The following CHCHD6 variants were observed in gnomAD, a reference collection of about 807,000 sequenced individuals.
CHCHD6 encodes MICOS complex subunit MIC25.
CHCHD6 carries 28 observed loss-of-function variants against 32.3 expected under a neutral mutation model. That is an observed-to-expected ratio of 0.87 (90% CI 0.64 to 1.19). The LOEUF (loss-of-function observed/expected upper bound fraction) is 1.19. Among genes scored for constraint, CHCHD6 ranks in the 50% most tolerant of loss-of-function variants. The pLI is 0.00. For synonymous variants in CHCHD6, 122 were observed against 117.5 expected (o/e 1.04, Z -0.25); for missense variants, 333 against 307.0 (o/e 1.08, Z -0.63).
chr3:126,821,592 C>A (rs1343564557), intron 4 of CHCHD6, among the ~76,000 whole-genome samples: 1 of 152,188 alleles, frequency 6.6e-6, no homozygotes, highest in Non-Finnish European at 1.5e-5. Context: ...GCACACCTGG[C>A]CTATGATAAC....
chr3:126,729,722 C>T lies in CHCHD6; in HGVS notation c.197-839C>T, dbSNP rs570744648. ...GAAGTGCCCCCCGAAGGATCCCTGA[C>T]GGGTCTGGGGTGGAGTCGCACACCC... On this transcript the variant is annotated intron_variant, in intron 2 of 7. Transcript: ENST00000290913. Among the ~76,000 whole-genome samples, 5 of 152,246 alleles carry T rather than the reference C, an allele frequency of 3.3e-5. No homozygotes were observed. The South Asian group carries it at 6.2e-4, about 19-fold the overall frequency.
At chr3:126,908,307 C>T (rs771747595) in intron 5 of CHCHD6, among the ~76,000 whole-genome samples, 7 of 152,236 alleles carry the variant, frequency 4.6e-5, no homozygotes, top group Non-Finnish European at 8.8e-5. Flanking sequence ...TGGCCCCACC[C>T]TCAGACTCCT....
intron 4 of CHCHD6, among the ~76,000 whole-genome samples, chr3:126,746,241 G>T (rs528600602): frequency 7.6e-4 from 116 of 152,340 alleles, no homozygotes; most frequent in Admixed American, 1.9e-3. Flanking sequence ...TGCCCACAGG[G>T]AAGGGAGCAC....
At chr3:126,874,415 G>A (rs942649429) in intron 5 of CHCHD6, among the ~76,000 whole-genome samples, 4 of 152,188 alleles carry the variant, frequency 2.6e-5, no homozygotes, top group Non-Finnish European at 2.9e-5. Context: ...TCTGGGCAGG[G>A]AGAGGGCACA....
At chr3:126,792,033 A>G (rs559927751) in intron 4 of CHCHD6, among the ~76,000 whole-genome samples, 10 of 152,248 alleles carry the variant, frequency 6.6e-5, no homozygotes, top group Middle Eastern at 3.4e-3. Flanking sequence ...TCCATGTTAT[A>G]ACACATACAG....
intron 6 of CHCHD6, among the ~76,000 whole-genome samples, chr3:126,955,743 C>A (rs2078774867): frequency 6.6e-6 from 1 of 152,166 alleles, no homozygotes; most frequent in Non-Finnish European, 1.5e-5. Context: ...TGGTGTTAGG[C>A]ATGGGTATGT....
rs1559945241 is a variant in CHCHD6 at position 126,960,417 on chromosome 3, A to G, written c.*216A>G. ...GTTTTCAGTCGTTGACTCACTGGCA[A>G]ACAGTCACTGCTGCCTACTCTGCGT... On this transcript the variant is annotated 3_prime_UTR_variant, in exon 8 of 8. Coordinates refer to ENST00000290913, the MANE Select transcript of CHCHD6 (RefSeq NM_032343.3). 5.1e-6 allele frequency: 3 copies of G among 589,944 alleles called. No individual in the cohort carries two copies. In the African/African-American group the frequency reaches 5.6e-5, roughly 11 times the overall value. The allele number at this position is 589,944 out of a possible 1,614,324, so 36.5% of individuals were successfully genotyped here.
At chr3:126,790,842 C>A (rs1379658587) in intron 4 of CHCHD6, among the ~76,000 whole-genome samples, 3 of 152,220 alleles carry the variant, frequency 2.0e-5, no homozygotes, top group Non-Finnish European at 2.9e-5. Flanking sequence ...CATTCTCCAT[C>A]CAGCTTTGTT....
intron 1 of CHCHD6, among the ~76,000 whole-genome samples, chr3:126,706,338 A>G (rs1049008530): frequency 6.6e-6 from 1 of 152,242 alleles, no homozygotes; most frequent in Non-Finnish European, 1.5e-5. Flanking sequence ...TAAAGGAGTT[A>G]AGGAATTTGC....
intron 4 of CHCHD6, among the ~76,000 whole-genome samples, chr3:126,758,377 G>A (rs1455829949): frequency 4.6e-5 from 7 of 152,194 alleles, no homozygotes; most frequent in Non-Finnish European, 7.3e-5. Flanking sequence ...AAATCACAGT[G>A]GTGTTGAACT....
chr3:126,704,268 G>C lies in CHCHD6; in HGVS notation c.-45G>C. The stretch of plus-strand genomic sequence containing the variant: ...GCGTTGTTGGCCCGGTTGCTCTGGA[G>C]CCGGGTCTCGGGTCTGGTGGCTGCC... On this transcript the variant is annotated 5_prime_UTR_variant, in exon 1 of 8. Coordinates refer to ENST00000290913, the MANE Select transcript of CHCHD6 (RefSeq NM_032343.3). 6.6e-7 allele frequency: 1 copy of C among 1,512,624 alleles called. No individual in the cohort carries two copies. The highest frequency in any genetic ancestry group is 9.1e-7 in the Non-Finnish European group (1 of 1,099,574). The allele number at this position is 1,512,624 out of a possible 1,614,324, so 93.7% of individuals were successfully genotyped here.
chr3:126,853,995 C>T (rs1941565817), intron 5 of CHCHD6, among the ~76,000 whole-genome samples: 2 of 152,144 alleles, frequency 1.3e-5, no homozygotes, highest in Non-Finnish European at 2.9e-5. Flanking sequence ...CCATGTTTCC[C>T]TTCCTGGGCT....
At chr3:126,862,336 ACCTCCTCCTCCC>A in intron 5 of CHCHD6, among the ~76,000 whole-genome samples, 1 of 99,650 alleles carries the variant, frequency 1.0e-5, no homozygotes, top group Non-Finnish European at 2.1e-5. Context: ...CTCCACCATC[ACCTCCTCCTCCC>A]CCACTATCAC....
chr3:126,894,457 C>T (rs2077809218), intron 5 of CHCHD6, among the ~76,000 whole-genome samples: 1 of 152,206 alleles, frequency 6.6e-6, no homozygotes, highest in Non-Finnish European at 1.5e-5. Context: ...GCAGGGAATG[C>T]AGGATGCTAT....
At chr3:126,825,070 A>T (rs1429713389) in intron 4 of CHCHD6, among the ~76,000 whole-genome samples, 1 of 152,030 alleles carries the variant, frequency 6.6e-6, no homozygotes, top group Non-Finnish European at 1.5e-5. Context: ...TTTTTCCTTT[A>T]GGCACAGCTT....
intron 4 of CHCHD6, among the ~76,000 whole-genome samples, chr3:126,805,981 G>A (rs1020193366): frequency 6.6e-6 from 1 of 152,186 alleles, no homozygotes; most frequent in Non-Finnish European, 1.5e-5. Flanking sequence ...ATGGTGCTGG[G>A]AAAACTGGCT....
In CHCHD6 at chr3:126,852,707, C is replaced by T; in HGVS notation, c.472C>T (p.Gln158Ter). ...ACGCCGTGACACCTTCTACAAGGAG[C>T]AGCTGGAGCGTATTGAGAGGAAGGT... The part of the protein sequence containing the change: ...LRRRDTFYKE[Q>*]LERIERKNAE... The change falls in exon 5 of 8, where the codon CAG becomes TAG. Residue 158 changes from glutamine to a stop codon, truncating the protein, a stop_gained. Coordinates refer to ENST00000290913, the MANE Select transcript of CHCHD6 (RefSeq NM_032343.3). LOFTEE classifies it high-confidence loss of function. The T allele has an allele frequency of 6.2e-7, 1 of 1,613,106 alleles. No individual in the cohort carries two copies. Among genetic ancestry groups the T allele is most frequent in the South Asian group, 1.1e-5 (1 of 91,050 alleles).
At chr3:126,740,028 G>A (rs1451186231) in intron 4 of CHCHD6, among the ~76,000 whole-genome samples, 1 of 152,208 alleles carries the variant, frequency 6.6e-6, no homozygotes, top group Non-Finnish European at 1.5e-5. Flanking sequence ...AGTGTGGGAG[G>A]TTGAGTAGCC....
intron 4 of CHCHD6, among the ~76,000 whole-genome samples, chr3:126,735,334 TC>T (rs1240160069): frequency 1.3e-5 from 2 of 152,202 alleles, no homozygotes; most frequent in African/African-American, 4.8e-5. Flanking sequence ...TTGATTCCCA[TC>T]CCCCTCAGGT....
Sources: allele counts gnomAD v4.1 joint callset (sites outside exome capture counted in the v4.1 genomes callset), GRCh38; gene constraint gnomAD v4.1.1; transcripts MANE v1.5; gene names NCBI Gene and HGNC (gene_info 2026-07-23, HGNC 2026-07-21).